The following DOCK10 variants were observed in gnomAD, a reference collection of about 807,000 sequenced individuals.
The protein encoded by DOCK10 is dedicator of cytokinesis protein 10.
Under a neutral mutation model 280.1 loss-of-function variants are expected in DOCK10, and 145 were observed. The ratio of observed to expected loss-of-function variants is 0.52; its 90% confidence interval spans 0.45 to 0.59. The LOEUF (loss-of-function observed/expected upper bound fraction) is 0.59, where lower values mean the gene tolerates loss of function less well. DOCK10 is among the 20% of genes least tolerant of loss of function. DOCK10 has a pLI of 0.00. For synonymous variants in DOCK10, 915 were observed against 942.2 expected (o/e 0.97, Z 0.53); for missense variants, 2,368 against 2,651.7 (o/e 0.89, Z 2.35).
chr2:224,783,785 A>G (rs988568665), intron 50 of DOCK10, among the ~76,000 whole-genome samples: 1 of 151,526 alleles, frequency 6.6e-6, no homozygotes, highest in Non-Finnish European at 1.5e-5. Flanking sequence ...AAGGGCCCAT[A>G]ATCCCAAATT....
intron 1 of DOCK10, among the ~76,000 whole-genome samples, chr2:224,969,052 G>A (rs1425098558): frequency 8.5e-5 from 13 of 152,284 alleles, no homozygotes; most frequent in African/African-American, 2.6e-4. Context: ...GAACCCCAGG[G>A]CAAAGCTGTT....
At chr2:224,985,570 A>G (rs1471150506) in intron 1 of DOCK10, among the ~76,000 whole-genome samples, 1 of 151,826 alleles carries the variant, frequency 6.6e-6, no homozygotes, top group Non-Finnish European at 1.5e-5. Flanking sequence ...TTGACCAGGG[A>G]GAAAGACATG....
At chr2:224,833,488 T>A (rs1355147540) in intron 26 of DOCK10, among the ~76,000 whole-genome samples, 1 of 73,552 alleles carries the variant, frequency 1.4e-5, no homozygotes, top group Non-Finnish European at 2.7e-5. Context: ...GCCTTCAAAT[T>A]TTTTTTTTTT....
At chr2:224,795,420 T>C (rs1052788594) in intron 44 of DOCK10, among the ~76,000 whole-genome samples, 3 of 152,236 alleles carry the variant, frequency 2.0e-5, no homozygotes, top group Non-Finnish European at 4.4e-5. Context: ...CTAGAGACCA[T>C]GGATGGCATA....
chr2:224,874,201 T>C, intron 10 of DOCK10, 50 bp from the exon 11 acceptor site: 1 of 1,575,428 alleles, frequency 6.3e-7, no homozygotes, highest in Non-Finnish European at 8.6e-7. Context: ...AAAAAGAAAT[T>C]CTAAATTATA....
At chr2:224,971,829 A>G (rs1705103032) in intron 1 of DOCK10, among the ~76,000 whole-genome samples, 1 of 152,238 alleles carries the variant, frequency 6.6e-6, no homozygotes, top group African/African-American at 2.4e-5. Flanking sequence ...TGTTATATGT[A>G]TAAATGTACA....
In DOCK10 at chr2:224,854,960, T is replaced by C. The variant is rs1697009395; in HGVS notation, c.1888+3A>G. ...CAACCAAACCATGACATCATCATCA[T>C]ACTTGGATGCTCCAAGGGAACGTTG... On this transcript the variant is annotated splice_donor_region_variant and intron_variant, in intron 16 of 55. Coordinates refer to ENST00000258390, the MANE Select transcript of DOCK10 (RefSeq NM_014689.3). 1 of 1,602,012 alleles carries C rather than the reference T, an allele frequency of 6.2e-7. No individual in the cohort carries two copies. The highest frequency in any genetic ancestry group is 8.5e-7 in the Non-Finnish European group (1 of 1,171,980).
chr2:224,784,846 A>C, intron 50 of DOCK10: 242 of 1,081,500 alleles, frequency 2.2e-4, no homozygotes, highest in Non-Finnish European at 2.8e-4. Context: ...CCCATATCTC[A>C]TATATTGGTT....
At chr2:225,041,967 A>G (rs1690441573) in intron 1 of DOCK10, among the ~76,000 whole-genome samples, 1 of 152,100 alleles carries the variant, frequency 6.6e-6, no homozygotes, top group South Asian at 2.1e-4. Context: ...GCGCCCCATT[A>G]AAGCCCCTGC....
chr2:225,011,845 A>G (rs528721764), intron 1 of DOCK10, among the ~76,000 whole-genome samples: 2 of 152,314 alleles, frequency 1.3e-5, no homozygotes, highest in African/African-American at 2.4e-5. Flanking sequence ...AAGCCGAAGT[A>G]CCCAGAGTCA....
At chr2:224,812,799 G>T (rs182353425) in intron 31 of DOCK10, among the ~76,000 whole-genome samples, 3 of 152,248 alleles carry the variant, frequency 2.0e-5, no homozygotes, top group Admixed American at 1.3e-4. Context: ...TTATTGATTT[G>T]CGTATGTTGA....
intron 11 of DOCK10, among the ~76,000 whole-genome samples, chr2:224,872,462 G>A (rs1181878264): frequency 6.6e-6 from 1 of 152,124 alleles, no homozygotes. Context: ...ATCCCAGAAC[G>A]GCACATCTCA....
At chr2:224,886,875 C>T (rs1378658352) in intron 4 of DOCK10, among the ~76,000 whole-genome samples, 1 of 143,550 alleles carries the variant, frequency 7.0e-6, no homozygotes, top group Admixed American at 6.7e-5. Flanking sequence ...ATGCTGCATG[C>T]AGCACCCCCA....
At chr2:225,021,169 G>A (rs1689774802) in intron 1 of DOCK10, among the ~76,000 whole-genome samples, 1 of 152,128 alleles carries the variant, frequency 6.6e-6, no homozygotes, top group Non-Finnish European at 1.5e-5. Context: ...ATAATAAATT[G>A]AGCCCATGTC....
chr2:224,887,154 C>T (rs934860452), intron 4 of DOCK10, among the ~76,000 whole-genome samples: 3 of 152,060 alleles, frequency 2.0e-5, no homozygotes, highest in African/African-American at 7.2e-5. Context: ...ATTTTCCTTC[C>T]CCCACATTTG....
rs754213306 is a variant in DOCK10, at chr2:224,849,559, G to C, written c.2183C>G (p.Ala728Gly). ...GKPGGPLFTS[A>G]AYTAVLHHSQ... ...GTGGTGCAGAACTGCTGTGTAGGCG[G>C]CTGAGGTGAAGAGGGGCCCTCCAGG... is the stretch of plus-strand genomic sequence containing the variant. Residue 728 changes from alanine to glycine, a missense_variant, in exon 19 of 56, where the codon GCC (alanine) becomes GGC (glycine). Around this residue, in one of 2 missense-constraint regions of DOCK10, gnomAD observed 1,209 missense variants for 1,250.9 expected, o/e 0.97. Transcript: ENST00000258390. 6 of 1,611,846 alleles carry C rather than the reference G, an allele frequency of 3.7e-6. No homozygotes were observed. Among genetic ancestry groups the C allele is most frequent in the Non-Finnish European group, 5.1e-6 (6 of 1,179,100 alleles).
chr2:224,966,822 T>A lies in DOCK10; in HGVS notation c.124-35154A>T, dbSNP rs1224911789. ...ATTTTATTGAGGCTGTGAACAAATA[T>A]GAATAAACCTTTCATACCAGCGAGC... is the stretch of plus-strand genomic sequence containing the variant. On this transcript the variant is annotated intron_variant, in intron 1 of 55. Transcript: ENST00000258390. Among the ~76,000 whole-genome samples, 4 of 151,776 alleles carry A rather than the reference T, an allele frequency of 2.6e-5. No homozygotes were observed. The East Asian group carries it at 5.8e-4, about 22-fold the overall frequency.
rs1383669665 is a variant in DOCK10, at chr2:224,886,080, T to C, written c.595A>G (p.Asn199Asp). The C allele has an allele frequency of 5.0e-6, 8 of 1,613,834 alleles. No individual in the cohort carries two copies. Among genetic ancestry groups the C allele is most frequent in the Non-Finnish European group, 6.8e-6 (8 of 1,179,852 alleles). The change falls in exon 6 of 56, where the codon AAC becomes GAC. Residue 199 changes from asparagine to aspartate, a missense_variant. Physicochemically the swap from Asn to Asp is conservative, Grantham distance 23. This residue lies in a region of DOCK10 where 1,209 missense variants were observed against 1,250.9 expected (regional missense o/e 0.97). Transcript: ENST00000258390. ...YKGNFNSTVN[N>D]TVTVRSFKKR... is the part of the protein sequence containing the mutation. ...CTCCTTACCCGAACAGTAACGGTGTTGTTCACGGTGCTGTTAAAATTCCCC... is the reference window on the plus strand; with the variant it reads ...CTCCTTACCCGAACAGTAACGGTGTCGTTCACGGTGCTGTTAAAATTCCCC...
At chr2:224,934,774 G>A (rs1702591913) in intron 1 of DOCK10, among the ~76,000 whole-genome samples, 1 of 152,194 alleles carries the variant, frequency 6.6e-6, no homozygotes, top group East Asian at 1.9e-4. Flanking sequence ...GTTTCTTTTG[G>A]AAATGCACCA....
Sources: gnomAD v4.1 joint callset for allele counts (sites outside exome capture counted in the v4.1 genomes callset) on GRCh38, gnomAD v4.1.1 for gene constraint, gnomAD v4.1.1 regional missense constraint, MANE v1.5 for transcripts, NCBI Gene and HGNC (gene_info 2026-07-23, HGNC 2026-07-21) for gene names.